Variants in LARGE1 observed in about 807,000 individuals in gnomAD.
LARGE1 encodes the protein xylosyl- and glucuronyltransferase LARGE1.
A neutral mutation model predicts 87.6 loss-of-function variants in LARGE1; 43 were observed. That is an observed-to-expected ratio of 0.49 (90% CI 0.38 to 0.63). The LOEUF (loss-of-function observed/expected upper bound fraction) is 0.63, where lower values mean the gene tolerates loss of function less well. Ranked by LOEUF, LARGE1 falls within the 30% of genes least tolerant of loss-of-function variation. The pLI, the probability that LARGE1 is intolerant of heterozygous loss-of-function variation, is 0.00. For missense variants in LARGE1, 802 were observed against 1,000.2 expected (o/e 0.80, Z 2.67); for synonymous variants, 434 against 394.6 (o/e 1.10, Z -1.18).
At chr22:33,471,806 G>T (rs574688277) in intron 6 of LARGE1, among the ~76,000 whole-genome samples, 12 of 152,248 alleles carry the variant, frequency 7.9e-5, no homozygotes, top group African/African-American at 2.6e-4. Flanking sequence ...AGGCCGAGGC[G>T]GGCGCATCAT....
intron 11 of LARGE1, among the ~76,000 whole-genome samples, chr22:33,192,104 T>C (rs1283675254): frequency 6.6e-6 from 1 of 152,184 alleles, no homozygotes; most frequent in Non-Finnish European, 1.5e-5. Flanking sequence ...GAAAACTACC[T>C]TAAAAACTAA....
chr22:33,568,795 T>C (rs1248452950), intron 5 of LARGE1, among the ~76,000 whole-genome samples: 1 of 126,482 alleles, frequency 7.9e-6, no homozygotes, highest in South Asian at 2.6e-4. Context: ...ATAAGCACAA[T>C]GCCTTGTATA....
In LARGE1 at chr22:33,183,634, A is replaced by G. The variant is rs757620336; in HGVS notation, c.1731-16802T>C. ...CACACACACACGCACACACACACACACACACACACACACACACACAGTATT... is the reference window on the plus strand; with the variant it reads ...CACACACACACGCACACACACACACGCACACACACACACACACACAGTATT... On this transcript the variant is annotated intron_variant, in intron 11 of 11. Transcript: ENST00000608642. Among the ~76,000 whole-genome samples, 669 of 146,526 alleles carry G rather than the reference A, an allele frequency of 4.6e-3. 4 individuals are homozygous for G. The highest frequency in any genetic ancestry group is 0.016 in the African/African-American group (619 of 38,360).
At chr22:33,919,219 T>C (rs2065872968) in intron 1 of LARGE1, among the ~76,000 whole-genome samples, 1 of 152,108 alleles carries the variant, frequency 6.6e-6, no homozygotes, top group African/African-American at 2.4e-5. Context: ...CAGATTGTTC[T>C]GGGGGAAGCT....
chr22:33,470,872 G>A (rs2068803433), intron 6 of LARGE1, among the ~76,000 whole-genome samples: 1 of 152,160 alleles, frequency 6.6e-6, no homozygotes, highest in Non-Finnish European at 1.5e-5. Flanking sequence ...TACAGCGTGG[G>A]ACCTTAACCA....
intron 1 of LARGE1, among the ~76,000 whole-genome samples, chr22:33,876,277 T>C (rs755556679): frequency 2.7e-4 from 41 of 151,860 alleles, no homozygotes; most frequent in Non-Finnish European, 5.1e-4. Flanking sequence ...ACTCCAACCA[T>C]TGGGATTTGC....
intron 6 of LARGE1, among the ~76,000 whole-genome samples, chr22:33,492,464 A>C (rs1291708221): frequency 6.6e-6 from 1 of 152,220 alleles, no homozygotes; most frequent in Non-Finnish European, 1.5e-5. Flanking sequence ...TTGTCCCCTC[A>C]AACCCTTTGA....
Position 33,277,222 on chromosome 22 carries a change from T to C in LARGE1, c.1911A>G (p.Thr637=). 2 of 1,614,202 alleles carry C rather than the reference T, an allele frequency of 1.2e-6. No individual in the cohort carries two copies. Among genetic ancestry groups the C allele is most frequent in the South Asian group, 2.2e-5 (2 of 91,084 alleles). Residue 637 remains threonine (T), a synonymous_variant, in exon 14 of 15, where the codon ACA becomes ACG. Coordinates refer to ENST00000397394, the MANE Select transcript of LARGE1 (RefSeq NM_133642.5). ...TGGCGGTCCGCCACTTGGCGAAGTT[T>C]GTGGGTGCGTGGCCTTTCGTCCAGA... ...YHVWTKGHAP[T]NFAKWRTATT... is the part of the protein sequence containing the mutation.
chr22:33,176,388 T>G (rs990687533), intron 11 of LARGE1, among the ~76,000 whole-genome samples: 2 of 151,822 alleles, frequency 1.3e-5, no homozygotes, highest in African/African-American at 4.8e-5. Flanking sequence ...TGGGAGAAAA[T>G]TTTTGCACTC....
intron 5 of LARGE1, among the ~76,000 whole-genome samples, chr22:33,566,076 T>A (rs1419667821): frequency 2.0e-5 from 1 of 50,448 alleles, no homozygotes; most frequent in Non-Finnish European, 4.7e-5. Context: ...AAAATATTGA[T>A]CTCCTTTGAC....
intron 11 of LARGE1, among the ~76,000 whole-genome samples, chr22:33,260,636 C>T (rs1927575533): frequency 6.6e-6 from 1 of 152,242 alleles, no homozygotes; most frequent in African/African-American, 2.4e-5. Flanking sequence ...AACCCACATT[C>T]GTTGCCTTCA....
At chr22:33,237,206 A>G (rs1227527535) in intron 11 of LARGE1, among the ~76,000 whole-genome samples, 1 of 152,232 alleles carries the variant, frequency 6.6e-6, no homozygotes, top group Non-Finnish European at 1.5e-5. Context: ...CGTCCAGACA[A>G]TTTATTAGCA....
chr22:33,687,715 G>A (rs577496629), intron 2 of LARGE1, among the ~76,000 whole-genome samples: 4 of 152,234 alleles, frequency 2.6e-5, no homozygotes, highest in East Asian at 3.9e-4. Flanking sequence ...AGGAGCGCTC[G>A]GGACCGATGC....
At chr22:33,570,636 G>T (rs2078168258) in intron 5 of LARGE1, among the ~76,000 whole-genome samples, 1 of 105,898 alleles carries the variant, frequency 9.4e-6, no homozygotes, top group African/African-American at 4.0e-5. Flanking sequence ...AATGGAGCGA[G>T]ACTCCATTTC....
At chr22:33,831,960 ACCTCAAACGTTTCTCACCTTTCTGTT>A in intron 1 of LARGE1, among the ~76,000 whole-genome samples, 1 of 152,112 alleles carries the variant, frequency 6.6e-6, no homozygotes, top group South Asian at 2.1e-4. Context: ...TCTCTTTCAC[ACCTCAAACGTTTCTCACCTTTCTGTT>A]CCTGCAGTTC....
chr22:33,229,061 G>A (rs952263179), intron 11 of LARGE1, among the ~76,000 whole-genome samples: 4 of 152,200 alleles, frequency 2.6e-5, no homozygotes, highest in African/African-American at 9.6e-5. Flanking sequence ...TGCCAAGCCT[G>A]AAGCATGTGT....
At chr22:33,517,557 C>A (rs189455374) in intron 6 of LARGE1, among the ~76,000 whole-genome samples, 1 of 152,160 alleles carries the variant, frequency 6.6e-6, no homozygotes, top group East Asian at 1.9e-4. Flanking sequence ...AATATTAGCA[C>A]CCGCCCGGCT....
intron 2 of LARGE1, among the ~76,000 whole-genome samples, chr22:33,701,238 T>C (rs1439629412): frequency 2.6e-5 from 4 of 152,018 alleles, no homozygotes; most frequent in Non-Finnish European, 5.9e-5. Flanking sequence ...GATGGGTCCA[T>C]GATGGTGTTT....
intron 1 of LARGE1, among the ~76,000 whole-genome samples, chr22:33,791,740 A>T (rs1380305637): frequency 6.6e-6 from 1 of 152,218 alleles, no homozygotes; most frequent in Non-Finnish European, 1.5e-5. Context: ...CCAAAGGCTT[A>T]CTACTTCTAT....
Sources: gnomAD v4.1 joint callset for allele counts (sites outside exome capture counted in the v4.1 genomes callset) on GRCh38, gnomAD v4.1.1 for gene constraint, MANE v1.5 for transcripts, NCBI Gene and HGNC (gene_info 2026-07-23, HGNC 2026-07-21) for gene names.